LRRC4C: variants seen among roughly 807,000 people sequenced by gnomAD.
The protein encoded by LRRC4C is leucine rich repeat containing 4C.
In LRRC4C, 5 loss-of-function variants were observed where a neutral mutation model predicts 33.6. The observed-to-expected ratio is 0.15, with a 90% CI of 0.08 to 0.31. LRRC4C has a LOEUF of 0.31. Ranked by LOEUF, LRRC4C falls within the 10% of genes least tolerant of loss-of-function variation. LRRC4C has a pLI of 1.00. For synonymous variants in LRRC4C, 329 were observed against 302.0 expected (o/e 1.09, Z -0.93); for missense variants, 560 against 796.7 (o/e 0.70, Z 3.58).
chr11:40,540,378 C>T (rs764331275), intron 3 of LRRC4C, among the ~76,000 whole-genome samples: 9 of 152,258 alleles, frequency 5.9e-5, no homozygotes, highest in South Asian at 2.1e-4. Flanking sequence ...TTTTCCCCTA[C>T]GTAACCTGCC....
At chr11:41,137,405 T>C (rs1473374114) in intron 1 of LRRC4C, among the ~76,000 whole-genome samples, 1 of 152,204 alleles carries the variant, frequency 6.6e-6, no homozygotes. Context: ...ACTATTATTA[T>C]GTATTTTGGG....
chr11:41,160,827 C>A (rs1361589135), intron 1 of LRRC4C, among the ~76,000 whole-genome samples: 2 of 152,098 alleles, frequency 1.3e-5, no homozygotes, highest in Non-Finnish European at 2.9e-5. Context: ...AGGAAATTCT[C>A]ATAGTAGTGA....
chr11:41,165,875 CA>C (rs1267575229), intron 1 of LRRC4C, among the ~76,000 whole-genome samples: 1 of 151,760 alleles, frequency 6.6e-6, no homozygotes, highest in Non-Finnish European at 1.5e-5. Flanking sequence ...ACTAAAAATA[CA>C]AAAAAATAGC....
chr11:40,411,932 C>A (rs1950170156), intron 3 of LRRC4C, among the ~76,000 whole-genome samples: 1 of 151,928 alleles, frequency 6.6e-6, no homozygotes, highest in Non-Finnish European at 1.5e-5. Flanking sequence ...AGTTCTAATA[C>A]TGTTCTCATT....
intron 3 of LRRC4C, among the ~76,000 whole-genome samples, chr11:40,321,870 T>C (rs1945864446): frequency 5.9e-5 from 9 of 152,208 alleles, no homozygotes; most frequent in Admixed American, 5.9e-4. Context: ...AGTTTTCTAC[T>C]TGGTATTTAA....
intron 4 of LRRC4C, among the ~76,000 whole-genome samples, chr11:40,248,730 T>C (rs1428290319): frequency 6.6e-6 from 1 of 152,134 alleles, no homozygotes; most frequent in Non-Finnish European, 1.5e-5. Context: ...GCACCTCCAC[T>C]TCAATTGTGA....
intron 1 of LRRC4C, among the ~76,000 whole-genome samples, chr11:41,325,367 T>C (rs1438248155): frequency 6.6e-6 from 1 of 152,190 alleles, no homozygotes; most frequent in Non-Finnish European, 1.5e-5. Flanking sequence ...TTAGCTTTAC[T>C]GGAAGTTGCT....
At chr11:40,599,169 T>G (rs941193040) in intron 3 of LRRC4C, among the ~76,000 whole-genome samples, 1 of 152,036 alleles carries the variant, frequency 6.6e-6, no homozygotes, top group Non-Finnish European at 1.5e-5. Flanking sequence ...GCCTTCATGG[T>G]CAGGCATGGT....
intron 2 of LRRC4C, among the ~76,000 whole-genome samples, chr11:40,729,635 A>G (rs1353910465): frequency 2.6e-5 from 4 of 152,094 alleles, no homozygotes; most frequent in Non-Finnish European, 4.4e-5. Context: ...TCTTTCTTAC[A>G]TGTTATAACT....
intron 1 of LRRC4C, among the ~76,000 whole-genome samples, chr11:41,010,634 G>A (rs982526638): frequency 6.6e-6 from 1 of 152,202 alleles, no homozygotes; most frequent in Admixed American, 6.5e-5. Flanking sequence ...AAGGTCCTAT[G>A]TTGGCCATAC....
chr11:40,863,748 CA>C (rs1223628696), intron 2 of LRRC4C, among the ~76,000 whole-genome samples: 3 of 152,124 alleles, frequency 2.0e-5, no homozygotes, highest in Admixed American at 6.5e-5. Flanking sequence ...TGTTGCTATT[CA>C]TTAAATTTAT....
At chr11:40,714,389 T>C (rs1017049348) in intron 2 of LRRC4C, among the ~76,000 whole-genome samples, 11 of 152,222 alleles carry the variant, frequency 7.2e-5, no homozygotes, top group Admixed American at 3.9e-4. Context: ...TTGCTACTAT[T>C]TCTTAATTAT....
intron 2 of LRRC4C, among the ~76,000 whole-genome samples, chr11:40,836,458 A>G (rs1273144996): frequency 6.6e-6 from 1 of 152,250 alleles, no homozygotes; most frequent in Non-Finnish European, 1.5e-5. Flanking sequence ...AAAGAAAGTT[A>G]TAGAATTGAT....
At chr11:41,036,761 G>A (rs1857102189) in intron 1 of LRRC4C, among the ~76,000 whole-genome samples, 1 of 152,108 alleles carries the variant, frequency 6.6e-6, no homozygotes, top group Admixed American at 6.6e-5. Context: ...ACAGTAGTTT[G>A]AAAAGAGATT....
chr11:40,608,984 C>T (rs1047577309), intron 3 of LRRC4C, among the ~76,000 whole-genome samples: 2 of 152,082 alleles, frequency 1.3e-5, no homozygotes, highest in Non-Finnish European at 2.9e-5. Context: ...TAGTAGGAGA[C>T]TTCAATATCC....
intron 2 of LRRC4C, among the ~76,000 whole-genome samples, chr11:40,678,191 A>G (rs1330396987): frequency 2.6e-5 from 4 of 151,910 alleles, no homozygotes. Flanking sequence ...GTTTGTTACA[A>G]AGGTATATCG....
chr11:41,207,758 G>C (rs1590935739), intron 1 of LRRC4C, among the ~76,000 whole-genome samples: 1 of 152,210 alleles, frequency 6.6e-6, no homozygotes, highest in East Asian at 1.9e-4. Context: ...TTCCAGCTTT[G>C]AGAGCTGTGA....
At position 40,240,047 on chromosome 11, in the gene LRRC4C, C is replaced by T. The variant is rs765829738; in HGVS notation, c.-96+1472G>A. On this transcript the variant is annotated intron_variant, in intron 5 of 6. Transcript: ENST00000528697. ...CTCCAAGTGACTCATACATAGGTAA[C>T]ATTTTTAAGAAGCGTGGATACTGGA... 2.3e-4 allele frequency among the ~76,000 whole-genome samples: 35 copies of T among 152,270 alleles called. 1 individual carries two copies. Among genetic ancestry groups the T allele is most frequent in the Non-Finnish European group, 3.7e-4 (25 of 68,014 alleles).
At chr11:40,402,051 G>A (rs1038122979) in intron 3 of LRRC4C, among the ~76,000 whole-genome samples, 1 of 152,016 alleles carries the variant, frequency 6.6e-6, no homozygotes, top group Non-Finnish European at 1.5e-5. Context: ...CAATAGGTGC[G>A]AGAGTTTCAA....
Sources: allele counts gnomAD v4.1 joint callset (sites outside exome capture counted in the v4.1 genomes callset), GRCh38; gene constraint gnomAD v4.1.1; transcripts MANE v1.5; gene names NCBI Gene and HGNC (gene_info 2026-07-23, HGNC 2026-07-21).